SGCZ: variants seen among roughly 807,000 people sequenced by gnomAD.
SGCZ encodes sarcoglycan zeta, also known as zeta-sarcoglycan.
Under a neutral mutation model 41.3 loss-of-function variants are expected in SGCZ, and 40 were observed. That is an observed-to-expected ratio of 0.97 (90% confidence interval 0.75 to 1.26). The LOEUF is 1.26. SGCZ is among the 50% of genes most tolerant of loss of function. SGCZ has a pLI of 0.00. For missense variants in SGCZ, 552 were observed against 369.8 expected (o/e 1.49, Z -4.04); for synonymous variants, 206 against 137.5 (o/e 1.50, Z -3.49).
chr8:14,804,411 C>A (rs1168054447), intron 1 of SGCZ, among the ~76,000 whole-genome samples: 1 of 134,324 alleles, frequency 7.4e-6, no homozygotes. Context: ...AAAACCAAGG[C>A]TCGAGAACTC....
At chr8:15,007,024 G>T (rs542448316) in intron 1 of SGCZ, among the ~76,000 whole-genome samples, 2 of 152,332 alleles carry the variant, frequency 1.3e-5, no homozygotes, top group South Asian at 4.1e-4. Context: ...AGGGTAGTGT[G>T]TTAAGTTAGT....
chr8:14,294,204 A>G (rs535259036), intron 3 of SGCZ, among the ~76,000 whole-genome samples: 1 of 152,072 alleles, frequency 6.6e-6, no homozygotes, highest in East Asian at 1.9e-4. Flanking sequence ...AAGTTTTTTA[A>G]TGATAATGTC....
chr8:14,507,709 T>G (rs1177478724), intron 2 of SGCZ, among the ~76,000 whole-genome samples: 1 of 152,148 alleles, frequency 6.6e-6, no homozygotes, highest in Admixed American at 6.5e-5. Flanking sequence ...GCTTACTTCC[T>G]CACTTCTTTT....
chr8:14,470,380 G>C (rs904222332), intron 2 of SGCZ, among the ~76,000 whole-genome samples: 33 of 152,014 alleles, frequency 2.2e-4, no homozygotes, highest in African/African-American at 7.7e-4. Flanking sequence ...TAAGAATTAA[G>C]AGATATAATT....
At chr8:14,307,865 G>C (rs1267914829) in intron 3 of SGCZ, among the ~76,000 whole-genome samples, 1 of 152,046 alleles carries the variant, frequency 6.6e-6, no homozygotes, top group Non-Finnish European at 1.5e-5. Flanking sequence ...ATTTTAAAGA[G>C]TAAGTGGTCT....
chr8:14,733,138 G>A (rs560456655), intron 1 of SGCZ, among the ~76,000 whole-genome samples: 5 of 152,056 alleles, frequency 3.3e-5, no homozygotes, highest in Non-Finnish European at 7.4e-5. Context: ...AACAGCCCCA[G>A]CTTTCAAAGG....
chr8:15,071,571 G>T (rs949601007), intron 1 of SGCZ, among the ~76,000 whole-genome samples: 1 of 152,148 alleles, frequency 6.6e-6, no homozygotes, highest in African/African-American at 2.4e-5. Context: ...AGTCTGAAAG[G>T]ACTATGCAAC....
At chr8:14,783,411 G>A (rs2130441763) in intron 1 of SGCZ, among the ~76,000 whole-genome samples, 1 of 150,402 alleles carries the variant, frequency 6.6e-6, no homozygotes, top group African/African-American at 2.4e-5. Context: ...TCCAGCCTGG[G>A]AGACAGAAAG....
chr8:14,197,959 A>C (rs548995997), intron 4 of SGCZ, among the ~76,000 whole-genome samples: 2 of 152,304 alleles, frequency 1.3e-5, no homozygotes, highest in South Asian at 4.1e-4. Flanking sequence ...AGTTTGCAGG[A>C]AACAAGCTCA....
chr8:15,033,717 C>A (rs965780923), intron 1 of SGCZ, among the ~76,000 whole-genome samples: 1 of 152,018 alleles, frequency 6.6e-6, no homozygotes, highest in Non-Finnish European at 1.5e-5. Flanking sequence ...CAGACTCCAA[C>A]TTAAGGCCAA....
intron 2 of SGCZ, among the ~76,000 whole-genome samples, chr8:14,531,511 T>C (rs1803129902): frequency 1.3e-5 from 2 of 151,804 alleles, no homozygotes; most frequent in African/African-American, 4.8e-5. Context: ...ACTGCAAGGG[T>C]GGAAAAGCCA....
intron 4 of SGCZ, among the ~76,000 whole-genome samples, chr8:14,182,492 CT>C: frequency 6.6e-6 from 1 of 152,238 alleles, no homozygotes; most frequent in African/African-American, 2.4e-5. Context: ...GTATGGAAGC[CT>C]TACTCATCTA....
At chr8:14,528,930 C>A (rs1035033756) in intron 2 of SGCZ, among the ~76,000 whole-genome samples, 6 of 151,510 alleles carry the variant, frequency 4.0e-5, no homozygotes, top group African/African-American at 1.5e-4. Context: ...CAGACATCAT[C>A]CACTGCAATA....
At chr8:14,090,734 A>T in intron 7 of SGCZ, 97 bp from the exon 8 acceptor site, 1 of 1,046,990 alleles carries the variant, frequency 9.6e-7, no homozygotes, top group East Asian at 2.6e-5. Context: ...GGAAGTCGAC[A>T]CAACAAACAA....
chr8:15,193,397 T>C (rs1800604888), intron 1 of SGCZ, among the ~76,000 whole-genome samples: 1 of 152,098 alleles, frequency 6.6e-6, no homozygotes, highest in South Asian at 2.1e-4. Flanking sequence ...GGACTATTTA[T>C]TTTAATATCC....
At chr8:15,058,127 A>T (rs568548263) in intron 1 of SGCZ, among the ~76,000 whole-genome samples, 1 of 152,362 alleles carries the variant, frequency 6.6e-6, no homozygotes, top group Admixed American at 6.5e-5. Flanking sequence ...ACATTTTAGT[A>T]GGAAGGTACC....
intron 1 of SGCZ, among the ~76,000 whole-genome samples, chr8:14,914,393 A>G (rs1270514992): frequency 6.6e-6 from 1 of 152,072 alleles, no homozygotes; most frequent in African/African-American, 2.4e-5. Context: ...TTTTCTAATC[A>G]TCCTGTATTT....
chr8:15,237,580 C>A lies in SGCZ; in HGVS notation c.39+5G>T. 2 of 1,588,774 alleles carry A rather than the reference C, an allele frequency of 1.3e-6. No homozygotes were observed. Reference sequence around the variant, plus strand: ...GCCGCGAAGCCCGCCCGGACCCGCACGTACCTTGAGCTCCTCAATGTCCAG... The same window carrying A: ...GCCGCGAAGCCCGCCCGGACCCGCAAGTACCTTGAGCTCCTCAATGTCCAG... On this transcript the variant is annotated splice_donor_5th_base_variant and intron_variant, in intron 1 of 7. Transcript: ENST00000382080.
chr8:14,325,412 A>G (rs930483284), intron 2 of SGCZ, among the ~76,000 whole-genome samples: 8 of 150,798 alleles, frequency 5.3e-5, no homozygotes, highest in Non-Finnish European at 1.2e-4. Flanking sequence ...TCAATCCCAA[A>G]GCAAATTTAG....
Sources: gnomAD v4.1 joint callset for allele counts (sites outside exome capture counted in the v4.1 genomes callset) on GRCh38, gnomAD v4.1.1 for gene constraint, MANE v1.5 for transcripts, NCBI Gene and HGNC (gene_info 2026-07-23, HGNC 2026-07-21) for gene names.